The following FOXP1 variants were observed in gnomAD, a reference collection of about 807,000 sequenced individuals.
FOXP1 encodes the protein forkhead box P1.
Under a neutral mutation model 98.2 loss-of-function variants are expected in FOXP1, and 15 were observed. The observed-to-expected ratio is 0.15, with a 90% confidence interval of 0.10 to 0.24. FOXP1 has a LOEUF of 0.24. Ranked by LOEUF, FOXP1 falls within the 10% of genes least tolerant of loss-of-function variation. FOXP1 has a pLI of 1.00. For synonymous variants in FOXP1, 371 were observed against 314.5 expected, an observed-to-expected ratio of 1.18 and a Z score of -1.90; for missense variants, 633 against 848.5, an observed-to-expected ratio of 0.75 and a Z score of 3.15.
intron 5 of FOXP1, among the ~76,000 whole-genome samples, chr3:71,232,769 T>C (rs1213592285): frequency 6.7e-6 from 1 of 148,924 alleles, no homozygotes; most frequent in Non-Finnish European, 1.5e-5. Context: ...ATTGCAGTGA[T>C]GCACACTTGT....
intron 7 of FOXP1, among the ~76,000 whole-genome samples, chr3:71,108,756 C>T (rs1274122721): frequency 6.6e-6 from 1 of 152,076 alleles, no homozygotes; most frequent in Non-Finnish European, 1.5e-5. Context: ...AAGAGCAAGA[C>T]TCCATCTCAA....
intron 5 of FOXP1, among the ~76,000 whole-genome samples, chr3:71,246,000 C>CT (rs1353916678): frequency 1.8e-5 from 1 of 54,774 alleles, no homozygotes; most frequent in African/African-American, 1.4e-4. Flanking sequence ...CGAAAACCAC[C>CT]CCCCCCCCAC....
intron 5 of FOXP1, among the ~76,000 whole-genome samples, chr3:71,236,776 G>A (rs112109047): frequency 6.6e-5 from 10 of 152,094 alleles, no homozygotes; most frequent in African/African-American, 2.4e-4. Flanking sequence ...AGGAGGCTGA[G>A]GTGGGAGGAC....
chr3:71,373,110 T>C (rs1339960159), intron 3 of FOXP1, among the ~76,000 whole-genome samples: 1 of 152,234 alleles, frequency 6.6e-6, no homozygotes, highest in Non-Finnish European at 1.5e-5. Flanking sequence ...AAGTATTCTA[T>C]GTTAACCACA....
In FOXP1 at chr3:71,421,204, C is replaced by A. The variant is rs143390010; in HGVS notation, c.-167-61960G>T. ...TGAGCGACAAATTCTTTGGGAAAAA[C>A]CAAGTAAGAATGCGCAAAGCAAGAA... is the stretch of plus-strand genomic sequence containing the variant. On this transcript the variant is annotated intron_variant, in intron 3 of 20. Transcript: ENST00000649528. Among the ~76,000 whole-genome samples the A allele has an allele frequency of 7.0e-3, 1,071 of 152,148 alleles. 14 individuals carry two copies. Among genetic ancestry groups the A allele is most frequent in the African/African-American group, 0.024 (1,006 of 41,476 alleles).
At chr3:71,527,884 C>A (rs980358367) in intron 2 of FOXP1, among the ~76,000 whole-genome samples, 2 of 152,172 alleles carry the variant, frequency 1.3e-5, no homozygotes, top group Non-Finnish European at 2.9e-5. Flanking sequence ...TTCAAATAAA[C>A]TGGTTTCCTT....
At chr3:71,400,921 T>A (rs2081919016) in intron 3 of FOXP1, among the ~76,000 whole-genome samples, 1 of 152,026 alleles carries the variant, frequency 6.6e-6, no homozygotes, top group African/African-American at 2.4e-5. Flanking sequence ...GGAGAACACA[T>A]AAGGAGGAGG....
At chr3:71,443,089 T>C (rs2086095530) in intron 3 of FOXP1, among the ~76,000 whole-genome samples, 1 of 152,180 alleles carries the variant, frequency 6.6e-6, no homozygotes, top group South Asian at 2.1e-4. Context: ...AGATGGGGTT[T>C]CACCATATTG....
intron 12 of FOXP1, among the ~76,000 whole-genome samples, chr3:71,003,343 A>G (rs1226585151): frequency 6.6e-6 from 1 of 152,178 alleles, no homozygotes; most frequent in African/African-American, 2.4e-5. Flanking sequence ...GTATTTGTGG[A>G]TTAACACATA....
chr3:71,020,270 G>T (rs914315959), intron 11 of FOXP1, among the ~76,000 whole-genome samples: 1 of 152,160 alleles, frequency 6.6e-6, no homozygotes, highest in African/African-American at 2.4e-5. Context: ...GACATTAAAT[G>T]ATACCAAATC....
chr3:70,985,382 CT>C (rs5849973), intron 14 of FOXP1, among the ~76,000 whole-genome samples: 3,528 of 149,176 alleles, frequency 0.024, 136 homozygotes, highest in African/African-American at 0.079. Flanking sequence ...TGTGTGTGCC[CT>C]TTTTTTTTTC....
At chr3:71,072,397 C>A (rs979357805) in intron 7 of FOXP1, among the ~76,000 whole-genome samples, 14 of 152,138 alleles carry the variant, frequency 9.2e-5, no homozygotes, top group Admixed American at 8.5e-4. Flanking sequence ...GATTTCAATG[C>A]TCAATAATCT....
chr3:71,032,034 T>G (rs925592642), intron 11 of FOXP1, among the ~76,000 whole-genome samples: 2 of 152,058 alleles, frequency 1.3e-5, no homozygotes, highest in Admixed American at 6.5e-5. Context: ...TACATGTGAG[T>G]GTGTGTGCGT....
chr3:71,048,804 TG>T (rs200042408), intron 9 of FOXP1, among the ~76,000 whole-genome samples: 39 of 104,740 alleles, frequency 3.7e-4, no homozygotes, highest in South Asian at 3.3e-3. Flanking sequence ...CAGACTATAA[TG>T]GGGGGGGTAC....
chr3:71,165,064 A>G (rs2108171545), intron 6 of FOXP1, among the ~76,000 whole-genome samples: 1 of 152,286 alleles, frequency 6.6e-6, no homozygotes, highest in South Asian at 2.1e-4. Flanking sequence ...ATTTAAACGG[A>G]AAGTGAACTC....
intron 6 of FOXP1, among the ~76,000 whole-genome samples, chr3:71,174,900 T>C (rs898292207): frequency 2.0e-5 from 3 of 149,468 alleles, no homozygotes; most frequent in Non-Finnish European, 4.4e-5. Flanking sequence ...TATGACCAAG[T>C]TGGAGTACAT....
chr3:71,483,362 C>T (rs929917247), intron 3 of FOXP1, among the ~76,000 whole-genome samples: 3 of 151,998 alleles, frequency 2.0e-5, no homozygotes, highest in South Asian at 2.1e-4. Context: ...CATCAGAAAC[C>T]GAAGAGCAAG....
chr3:71,260,540 T>TC (rs1036329006), intron 5 of FOXP1, among the ~76,000 whole-genome samples: 2 of 151,306 alleles, frequency 1.3e-5, no homozygotes, highest in East Asian at 3.9e-4. Flanking sequence ...TCCTTTAATT[T>TC]TTTTTTTTTT....
At chr3:71,434,972 A>C (rs2085105567) in intron 3 of FOXP1, among the ~76,000 whole-genome samples, 2 of 151,852 alleles carry the variant, frequency 1.3e-5, no homozygotes, top group South Asian at 4.2e-4. Flanking sequence ...TTGATCTTCT[A>C]TAGCCAGGTA....
Sources: allele counts gnomAD v4.1 joint callset (sites outside exome capture counted in the v4.1 genomes callset), GRCh38; gene constraint gnomAD v4.1.1; transcripts MANE v1.5; gene names NCBI Gene and HGNC (gene_info 2026-07-23, HGNC 2026-07-21).